Variants in BFSP1 observed in about 807,000 individuals in gnomAD.
The protein encoded by BFSP1 is beaded filament structural protein 1, also known as filensin.
BFSP1 carries 38 observed loss-of-function variants against 43.9 expected under a neutral mutation model. The ratio of observed to expected loss-of-function variants is 0.87; its 90% CI spans 0.67 to 1.14. The LOEUF (loss-of-function observed/expected upper bound fraction) is 1.14. Among genes scored for constraint, BFSP1 ranks in the 50% most tolerant of loss-of-function variants. The probability of loss-of-function intolerance (pLI) is 0.00; values close to 1 mark genes in which losing one functional copy is unlikely to be tolerated. For synonymous variants in BFSP1, 352 were observed against 354.8 expected (o/e 0.99, Z 0.09); for missense variants, 850 against 875.1 (o/e 0.97, Z 0.36).
At position 17,494,110 on chromosome 20, in the gene BFSP1, CTT is replaced by C; in HGVS notation, c.1960_1961del (p.Lys654ValfsTer20). 1 of 1,613,930 alleles carries C rather than the reference CTT, an allele frequency of 6.2e-7. No homozygotes were observed. Among genetic ancestry groups the C allele is most frequent in the Non-Finnish European group, 8.5e-7 (1 of 1,179,932 alleles). On this transcript the variant is annotated frameshift_variant, in exon 8 of 8. Coordinates refer to ENST00000377873, the MANE Select transcript of BFSP1 (RefSeq NM_001195.5). LOFTEE classifies it high-confidence loss of function. ...VIVETMIGKT[K>X]SDKKKSGEKS... ...TCTCTCCTGATTTCTTCTTGTCTGACTTTGTCTTTCCAATCATGGTCTCCACG... is the reference window on the plus strand; with the variant it reads ...TCTCTCCTGATTTCTTCTTGTCTGACTGTCTTTCCAATCATGGTCTCCACG...
At chr20:17,517,297 CA>C (rs1417334305) in intron 2 of BFSP1, 2 of 1,244,962 alleles carry the variant, frequency 1.6e-6, no homozygotes, top group Non-Finnish European at 2.3e-6. Context: ...TTCAACAAAC[CA>C]GAAGACAAGG....
chr20:17,567,199 A>C lies in BFSP1; in HGVS notation n.50+1972T>G, dbSNP rs1226458639. Among the ~76,000 whole-genome samples the C allele has an allele frequency of 2.6e-5, 4 of 152,072 alleles. No homozygotes were observed. In the South Asian group the frequency reaches 6.2e-4, roughly 24 times the overall value. ...CAGAGGCTGAAGTTCAGTGGGACCT[A>C]AAAAAAATGGGGGCTCATCTTAAGT... On this transcript the variant is annotated intron_variant and non_coding_transcript_variant, in intron 1 of 6. Transcript: ENST00000473415.
intron 1 of BFSP1, among the ~76,000 whole-genome samples, chr20:17,539,096 T>TTTCTTC (rs74179117): frequency 1.5e-5 from 2 of 134,912 alleles, no homozygotes; most frequent in Admixed American, 1.7e-4. Flanking sequence ...CATGAATATA[T>TTTCTTC]TTCTTCTTCT....
rs560943929 is a variant in BFSP1 at position 17,494,448 on chromosome 20, T to C, written c.1624A>G (p.Ile542Val). The change falls in exon 8 of 8, where the codon ATA (isoleucine) becomes GTA (valine). Residue 542 changes from isoleucine (I) to valine (V), a missense_variant. By Grantham distance (29) the Ile-to-Val change is conservative. Transcript: ENST00000377873. ...EDGQPIDQQPIDKEIEPDGAE... is the reference protein window; with the variant it reads ...EDGQPIDQQPVDKEIEPDGAE... ...CCATCTGGCTCAATCTCCTTGTCTATAGGCTGCTGGTCAATTGGTTGTCCA... is the reference window on the plus strand; with the variant it reads ...CCATCTGGCTCAATCTCCTTGTCTACAGGCTGCTGGTCAATTGGTTGTCCA... 9.9e-6 allele frequency: 16 copies of C among 1,614,218 alleles called. No homozygotes were observed. In the East Asian group the frequency reaches 2.7e-4, roughly 27 times the overall value.
At chr20:17,539,815 T>C (rs76313546) in intron 1 of BFSP1, among the ~76,000 whole-genome samples, 2,145 of 152,050 alleles carry the variant, frequency 0.014, 55 homozygotes, top group African/African-American at 0.049. Flanking sequence ...GGGCTGTCCA[T>C]TGTTTTGTAG....
chr20:17,531,491 G>A (rs551353395), upstream of BFSP1: 6 of 1,049,838 alleles, frequency 5.7e-6, no homozygotes, highest in East Asian at 1.8e-4. Flanking sequence ...CCGGGCGCGG[G>A]AGAAGAAAAG....
At chr20:17,568,121 G>A (rs1475509454) in intron 1 of BFSP1, among the ~76,000 whole-genome samples, 1 of 152,094 alleles carries the variant, frequency 6.6e-6, no homozygotes, top group Admixed American at 6.6e-5. Flanking sequence ...TCGTCTGGGA[G>A]GGGCAGTGGG....
intron 1 of BFSP1, among the ~76,000 whole-genome samples, chr20:17,530,571 A>G (rs2034512246): frequency 6.6e-6 from 1 of 152,228 alleles, no homozygotes; most frequent in African/African-American, 2.4e-5. Flanking sequence ...AAGGGGACTG[A>G]CTGGGAAAGG....
chr20:17,541,595 A>T (rs1006911940), intron 1 of BFSP1, among the ~76,000 whole-genome samples: 6 of 152,248 alleles, frequency 3.9e-5, no homozygotes, highest in African/African-American at 1.4e-4. Context: ...GAAAAAGTTA[A>T]TTCCTTGGAA....
At chr20:17,497,499 CACGTATATAT>C (rs1157524481) in intron 6 of BFSP1, among the ~76,000 whole-genome samples, 2 of 141,610 alleles carry the variant, frequency 1.4e-5, no homozygotes, top group East Asian at 2.1e-4. Flanking sequence ...TATATATATA[CACGTATATAT>C]ACGTATATAT....
chr20:17,529,626 T>G (rs1324010254), intron 1 of BFSP1, among the ~76,000 whole-genome samples: 1 of 152,244 alleles, frequency 6.6e-6, no homozygotes, highest in Non-Finnish European at 1.5e-5. Context: ...TAACATACTT[T>G]TTTCCACTGC....
intron 4 of BFSP1, among the ~76,000 whole-genome samples, chr20:17,511,747 C>T (rs934957087): frequency 2.0e-5 from 3 of 152,264 alleles, no homozygotes; most frequent in Admixed American, 6.5e-5. Context: ...GAGAAAATAC[C>T]GAAGAAAATG....
Position 17,509,026 on chromosome 20 carries a change from T to C in BFSP1, c.628-30A>G, listed in dbSNP as rs1217777493. On this transcript the variant is annotated intron_variant, in intron 4 of 7. Transcript: ENST00000377873. ...ACAGAGAAGGCCAGAGTCAGACTCA[T>C]GGGACATGCAGAGAGGAAAAGGGCA... is the stretch of plus-strand genomic sequence containing the variant. The C allele has an allele frequency of 3.3e-6, 5 of 1,498,884 alleles. No homozygotes were observed. The African/African-American group carries it at 4.2e-5, about 13-fold the overall frequency. 92.8% of individuals were successfully genotyped at this position (1,498,884 alleles called of 1,614,324 possible). A position where few individuals can be genotyped will look rare whatever the true frequency, so the allele number is the denominator to read the frequency against.
rs746846228 is a variant in BFSP1 at position 17,530,994 on chromosome 20, C to G, written c.336G>C (p.Gln112His). Reference protein sequence around the residue: ...LEAERARLERQGTEAQRALDE... With the variant: ...LEAERARLERHGTEAQRALDE... ...CGAGCGCGCGCTGCGCCTCGGTGCC[C>G]TGGCGCTCCAGCCGGGCGCGCTCGG... The change falls in exon 1 of 8, where the codon CAG (glutamine) becomes CAC (histidine). Residue 112 changes from glutamine (Q) to histidine (H), a missense_variant. Transcript: ENST00000377873. The G allele has an allele frequency of 8.3e-6, 12 of 1,439,290 alleles. No homozygotes were observed. The South Asian group carries it at 1.5e-4, about 18-fold the overall frequency. The allele number at this position is 1,439,290 out of a possible 1,614,324, so 89.2% of individuals were successfully genotyped here. A position where few individuals can be genotyped will look rare whatever the true frequency, so the allele number is the denominator to read the frequency against.
chr20:17,531,250 G>C lies in BFSP1; in HGVS notation c.80C>G (p.Pro27Arg). The stretch of plus-strand genomic sequence containing the variant: ...CCAGCCCTCGTCGGCCGGGCGCTCG[G>C]GCTCGGCGGCGCGCGAAGCCTCGTC... ...HADEASRAAEPERPADEGWAG... is the reference protein window; with the variant it reads ...HADEASRAAERERPADEGWAG... The change falls in exon 1 of 8, where the codon CCC (proline) becomes CGC (arginine). Residue 27 changes from proline (P) to arginine (R), a missense_variant. Physicochemically the swap from Pro to Arg is moderately radical, Grantham distance 103. Coordinates refer to ENST00000377873, the MANE Select transcript of BFSP1 (RefSeq NM_001195.5). The C allele has an allele frequency of 7.0e-7, 1 of 1,426,672 alleles. No homozygotes were observed. Among genetic ancestry groups the C allele is most frequent in the Non-Finnish European group, 9.2e-7 (1 of 1,091,152 alleles). The allele number at this position is 1,426,672 out of a possible 1,614,324, so 88.4% of individuals were successfully genotyped here. A position where few individuals can be genotyped will look rare whatever the true frequency, so the allele number is the denominator to read the frequency against.
intron 1 of BFSP1, among the ~76,000 whole-genome samples, chr20:17,542,308 G>A (rs2034731140): frequency 2.0e-5 from 3 of 151,996 alleles, no homozygotes; most frequent in South Asian, 2.1e-4. Flanking sequence ...GTCAGCTGTT[G>A]GCCAAGCATT....
intron 1 of BFSP1, among the ~76,000 whole-genome samples, chr20:17,527,894 CTG>C (rs2034456504): frequency 6.6e-6 from 1 of 152,112 alleles, no homozygotes; most frequent in Admixed American, 6.5e-5. Flanking sequence ...ATAATTGACT[CTG>C]TTGTTGTATT....
Position 17,514,807 on chromosome 20 carries a change from C to G in BFSP1, c.448G>C (p.Glu150Gln). ...AGGCGTAGGTTATGCAGCAAGGCTTCATCAGCTTCCTGCAATGAGAGCCAC... is the reference window on the plus strand; with the variant it reads ...AGGCGTAGGTTATGCAGCAAGGCTTGATCAGCTTCCTGCAATGAGAGCCAC... ...MLERLNKEAD[E>Q]ALLHNLRLQL... The change falls in exon 3 of 8, where the codon GAA becomes CAA. Residue 150 changes from glutamate to glutamine, a missense_variant. Transcript: ENST00000377873. 1.2e-6 allele frequency: 2 copies of G among 1,613,692 alleles called. No individual in the cohort carries two copies. Among genetic ancestry groups the G allele is most frequent in the Non-Finnish European group, 1.7e-6 (2 of 1,179,824 alleles).
intron 1 of BFSP1, among the ~76,000 whole-genome samples, chr20:17,547,950 T>C (rs2034832813): frequency 7.1e-6 from 1 of 140,328 alleles, no homozygotes; most frequent in Admixed American, 7.6e-5. Flanking sequence ...GGTTTCACCA[T>C]CTTGGCCAGG....
Sources: allele counts gnomAD v4.1 joint callset (sites outside exome capture counted in the v4.1 genomes callset), GRCh38; gene constraint gnomAD v4.1.1; transcripts MANE v1.5; gene names NCBI Gene and HGNC (gene_info 2026-07-23, HGNC 2026-07-21).